Variants in LDLRAD4 observed in about 807,000 individuals in gnomAD.
LDLRAD4 encodes the protein low density lipoprotein receptor class A domain containing 4.
LDLRAD4 carries 5 observed loss-of-function variants against 17.0 expected under a neutral mutation model. The observed-to-expected ratio is 0.29, with a 90% CI of 0.15 to 0.62. The LOEUF is 0.62. Among genes scored for constraint, LDLRAD4 ranks in the 20% least tolerant of loss-of-function variants. The pLI, the probability that LDLRAD4 is intolerant of heterozygous loss-of-function variation, is 0.84. For synonymous variants in LDLRAD4, 168 were observed against 171.8 expected (o/e 0.98, Z 0.17); for missense variants, 340 against 424.7 (o/e 0.80, Z 1.75).
intron 4 of LDLRAD4, among the ~76,000 whole-genome samples, chr18:13,632,615 G>A (rs2041767747): frequency 6.6e-6 from 1 of 152,236 alleles, no homozygotes; most frequent in Admixed American, 6.5e-5. Flanking sequence ...GGTCTGGGCT[G>A]CCCTAAGGGT....
intron 2 of LDLRAD4, among the ~76,000 whole-genome samples, chr18:13,418,599 C>T (rs1055783607): frequency 1.3e-5 from 2 of 152,206 alleles, no homozygotes; most frequent in African/African-American, 2.4e-5. Flanking sequence ...TTTCGACCAA[C>T]CTGCACTTTG....
intron 2 of LDLRAD4, among the ~76,000 whole-genome samples, chr18:13,430,396 C>T (rs1427355955): frequency 1.3e-5 from 2 of 152,216 alleles, no homozygotes; most frequent in Non-Finnish European, 2.9e-5. Flanking sequence ...AAGCTCGGCA[C>T]AGTTGACTTT....
rs971454887 is a variant in LDLRAD4 at position 13,367,728 on chromosome 18, A to C, written c.-382-19613A>C. Among the ~76,000 whole-genome samples, 2 of 151,296 alleles carry C rather than the reference A, an allele frequency of 1.3e-5. No homozygotes were observed. The highest frequency in any genetic ancestry group is 4.9e-5 in the African/African-American group (2 of 41,080). ...GTCAAGGGATATACCGAGAGGAGAC[A>C]GCCGAGCCCGGGGGGCATGCACTGT... On this transcript the variant is annotated intron_variant, in intron 1 of 5. Transcript: ENST00000359446. This position sits in a 1 kb window ranked among gnomAD's most constrained non-coding sequence, Gnocchi z 4.1.
At chr18:13,511,266 G>A (rs1461225620) in intron 3 of LDLRAD4, among the ~76,000 whole-genome samples, 1 of 152,160 alleles carries the variant, frequency 6.6e-6, no homozygotes, top group Admixed American at 6.5e-5. Context: ...CGGGCACAGT[G>A]GCTCACTCCT....
At chr18:13,578,827 C>CTTT (rs1003295658) in intron 3 of LDLRAD4, among the ~76,000 whole-genome samples, 1,788 of 65,624 alleles carry the variant, frequency 0.027, 509 homozygotes, top group East Asian at 0.15. Flanking sequence ...TTGTCCGGGT[C>CTTT]TTTTTTTTTT....
At chr18:13,479,996 A>T (rs1479898612) in intron 3 of LDLRAD4, among the ~76,000 whole-genome samples, 1 of 152,232 alleles carries the variant, frequency 6.6e-6, no homozygotes, top group African/African-American at 2.4e-5. Flanking sequence ...CATTGGAAAC[A>T]GTTTGACGGT....
chr18:13,445,253 G>T (rs2091306487), intron 3 of LDLRAD4, among the ~76,000 whole-genome samples: 1 of 152,206 alleles, frequency 6.6e-6, no homozygotes, highest in Non-Finnish European at 1.5e-5. Flanking sequence ...GAGTCTGTGT[G>T]TGTATGCATG....
chr18:13,452,154 TG>T (rs2091875292), intron 3 of LDLRAD4, among the ~76,000 whole-genome samples: 1 of 152,188 alleles, frequency 6.6e-6, no homozygotes, highest in Non-Finnish European at 1.5e-5. Context: ...CCCCAGTAGC[TG>T]TGCCTTTGGG....
intron 1 of LDLRAD4, among the ~76,000 whole-genome samples, chr18:13,341,161 GAGTCCT>G (rs1353589236): frequency 6.6e-6 from 1 of 151,790 alleles, no homozygotes; most frequent in Non-Finnish European, 1.5e-5. Flanking sequence ...CAGGAATCGT[GAGTCCT>G]CCAGCTTTGT....
At chr18:13,470,167 A>G (rs2092729097) in intron 3 of LDLRAD4, among the ~76,000 whole-genome samples, 1 of 152,140 alleles carries the variant, frequency 6.6e-6, no homozygotes, top group African/African-American at 2.4e-5. Flanking sequence ...AGCCCTTGAC[A>G]TCCAAAGGGG....
At chr18:13,612,496 G>T in intron 3 of LDLRAD4, 4 of 1,348,484 alleles carry the variant, frequency 3.0e-6, no homozygotes, top group Non-Finnish European at 3.8e-6. Context: ...ACCTGGGGTG[G>T]GCCCTGCTGA....
intron 3 of LDLRAD4, among the ~76,000 whole-genome samples, chr18:13,481,022 G>T (rs1425269072): frequency 6.6e-6 from 1 of 152,236 alleles, no homozygotes; most frequent in Non-Finnish European, 1.5e-5. Flanking sequence ...TCTGGTGTGG[G>T]AGCTGTGGAT....
intron 1 of LDLRAD4, among the ~76,000 whole-genome samples, chr18:13,318,201 C>T (rs1336892397): frequency 6.6e-6 from 1 of 152,162 alleles, no homozygotes; most frequent in South Asian, 2.1e-4. Context: ...GCACCACTGC[C>T]TCCTTCCCCT....
chr18:13,375,136 T>C (rs536958779), intron 1 of LDLRAD4, among the ~76,000 whole-genome samples: 11 of 152,334 alleles, frequency 7.2e-5, no homozygotes, highest in African/African-American at 2.4e-4. Flanking sequence ...GCAGCCTCTG[T>C]GCTCACTGTA....
intron 1 of LDLRAD4, among the ~76,000 whole-genome samples, chr18:13,346,137 G>A (rs1314480874): frequency 6.6e-6 from 1 of 152,076 alleles, no homozygotes; most frequent in African/African-American, 2.4e-5. Context: ...GAATGTGTTT[G>A]CTCTTGCTTC....
intron 1 of LDLRAD4, among the ~76,000 whole-genome samples, chr18:13,346,542 A>G (rs1045559232): frequency 1.3e-4 from 20 of 152,172 alleles, no homozygotes; most frequent in Admixed American, 2.0e-4. Flanking sequence ...GCTGAAAAGA[A>G]TGTATATTCT....
At chr18:13,232,500 G>A (rs923915868) in intron 1 of LDLRAD4, among the ~76,000 whole-genome samples, 3 of 150,224 alleles carry the variant, frequency 2.0e-5, no homozygotes, top group Admixed American at 6.6e-5. Context: ...CTGCTGCCCC[G>A]TGCTGTGCTC....
At chr18:13,362,625 AAAAC>A (rs2083751562) in intron 1 of LDLRAD4, 1 of 152,260 alleles carries the variant, frequency 6.6e-6, no homozygotes, top group Non-Finnish European at 1.5e-5. Flanking sequence ...CAAATTGAAT[AAAAC>A]AAGTGGAAAA....
At chr18:13,528,647 A>G (rs951845425) in intron 3 of LDLRAD4, among the ~76,000 whole-genome samples, 2 of 152,162 alleles carry the variant, frequency 1.3e-5, no homozygotes, top group African/African-American at 4.8e-5. Flanking sequence ...TCTGTTTTCA[A>G]CCTCTCAACA....
Sources: gnomAD v4.1 joint callset for allele counts (sites outside exome capture counted in the v4.1 genomes callset) on GRCh38, gnomAD v4.1.1 for gene constraint, Gnocchi (gnomAD v3.1) non-coding constraint, MANE v1.5 for transcripts, NCBI Gene and HGNC (gene_info 2026-07-23, HGNC 2026-07-21) for gene names.